Variants in TBC1D19 observed in about 807,000 individuals in gnomAD.
TBC1D19 encodes the protein TBC1 domain family, member 19.
Under a neutral mutation model 89.0 loss-of-function variants are expected in TBC1D19, and 60 were observed. The ratio of observed to expected loss-of-function variants is 0.67; its 90% CI spans 0.55 to 0.84. The LOEUF is 0.84. Ranked by LOEUF, TBC1D19 falls within the 40% of genes least tolerant of loss-of-function variation. TBC1D19 has a pLI of 0.00. For synonymous variants in TBC1D19, 189 were observed against 199.7 expected, an observed-to-expected ratio of 0.95 and a Z score of 0.45; for missense variants, 500 against 610.8, an observed-to-expected ratio of 0.82 and a Z score of 1.91.
Position 26,613,158 on chromosome 4 carries a change from A to G in TBC1D19, c.100-11A>G, listed in dbSNP as rs766881068. 6.8e-7 allele frequency: 1 copy of G among 1,478,838 alleles called. No homozygotes were observed. The highest frequency in any genetic ancestry group is 1.3e-5 in the South Asian group (1 of 77,058). The allele number at this position is 1,478,838 out of a possible 1,614,324, so 91.6% of individuals were successfully genotyped here. A position where few individuals can be genotyped will look rare whatever the true frequency, so the allele number is the denominator to read the frequency against. ...CTTATCTTTCTTTTTTATTATTATT[A>G]TTATTCTTAGGCCAGTCTTCAGAGA... On this transcript the variant is annotated splice_polypyrimidine_tract_variant and intron_variant, in intron 1 of 20. Coordinates refer to ENST00000264866, the MANE Select transcript of TBC1D19 (RefSeq NM_018317.4).
intron 1 of TBC1D19, among the ~76,000 whole-genome samples, chr4:26,594,315 G>A (rs1247024744): frequency 5.3e-5 from 8 of 152,140 alleles, no homozygotes; most frequent in Non-Finnish European, 1.2e-4. Context: ...ACAGGAAGGG[G>A]AACATCACAC....
At chr4:26,740,314 T>G (rs1718282614) in intron 17 of TBC1D19, among the ~76,000 whole-genome samples, 1 of 152,214 alleles carries the variant, frequency 6.6e-6, no homozygotes, top group Non-Finnish European at 1.5e-5. Flanking sequence ...ATATATTATC[T>G]CTAGTGCTGT....
chr4:26,776,297 G>A, the TBC1D19 span, among the ~76,000 whole-genome samples: 1 of 151,652 alleles, frequency 6.6e-6, no homozygotes, highest in Non-Finnish European at 1.5e-5. Context: ...ATTTTTTTCT[G>A]CATACTAATA....
intron 14 of TBC1D19, among the ~76,000 whole-genome samples, chr4:26,719,344 A>T (rs1411883993): frequency 6.6e-6 from 1 of 152,038 alleles, no homozygotes; most frequent in African/African-American, 2.4e-5. Flanking sequence ...ACCACCCCTA[A>T]CAAGAATAAA....
the TBC1D19 span, among the ~76,000 whole-genome samples, chr4:26,793,300 G>A: frequency 3.9e-5 from 6 of 152,130 alleles, no homozygotes; most frequent in African/African-American, 1.4e-4. Context: ...TTCATCCTAC[G>A]GTGTGTGATA....
chr4:26,792,187 T>G, the TBC1D19 span, among the ~76,000 whole-genome samples: 1 of 152,090 alleles, frequency 6.6e-6, no homozygotes, highest in Non-Finnish European at 1.5e-5. Flanking sequence ...TTATCCTGGT[T>G]GTTGTGTGTA....
At chr4:26,709,113 T>C (rs151047812) in intron 13 of TBC1D19, among the ~76,000 whole-genome samples, 1 of 152,044 alleles carries the variant, frequency 6.6e-6, no homozygotes, top group Admixed American at 6.6e-5. Flanking sequence ...AGATTCTTTT[T>C]CTTCCCAGCG....
chr4:26,829,186 C>T, the TBC1D19 span, among the ~76,000 whole-genome samples: 1 of 152,156 alleles, frequency 6.6e-6, no homozygotes, highest in Non-Finnish European at 1.5e-5. Flanking sequence ...TATTATAAAA[C>T]GGTTGCCTGC....
chr4:26,696,771 C>T (rs895441375), intron 13 of TBC1D19, among the ~76,000 whole-genome samples: 8 of 152,040 alleles, frequency 5.3e-5, no homozygotes, highest in African/African-American at 1.4e-4. Context: ...GGGTACATAA[C>T]GAAATGAAGG....
chr4:26,826,917 C>G, the TBC1D19 span, among the ~76,000 whole-genome samples: 1 of 152,212 alleles, frequency 6.6e-6, no homozygotes, highest in Non-Finnish European at 1.5e-5. Flanking sequence ...ACCTCCCAGC[C>G]GTGCAGTTCA....
chr4:26,607,907 A>C (rs979467426), intron 1 of TBC1D19, among the ~76,000 whole-genome samples: 1 of 152,214 alleles, frequency 6.6e-6, no homozygotes, highest in African/African-American at 2.4e-5. Context: ...ATGTTGTTCA[A>C]GTGATGAACC....
upstream of TBC1D19, among the ~76,000 whole-genome samples, chr4:26,580,587 G>A (rs564211121): frequency 3.9e-5 from 6 of 152,186 alleles, no homozygotes; most frequent in Non-Finnish European, 8.8e-5. Flanking sequence ...TGTGACATGT[G>A]TGATACACAC....
chr4:26,829,693 C>T, the TBC1D19 span, among the ~76,000 whole-genome samples: 179 of 152,326 alleles, frequency 1.2e-3, 1 homozygote, highest in African/African-American at 3.4e-3. Context: ...ATCACCAAGT[C>T]TTCAAAGTAA....
chr4:26,704,134 T>C (rs1715550061), intron 13 of TBC1D19, among the ~76,000 whole-genome samples: 1 of 152,050 alleles, frequency 6.6e-6, no homozygotes, highest in Non-Finnish European at 1.5e-5. Context: ...CAGTGTTAAG[T>C]TAGTTTTTAT....
the TBC1D19 span, among the ~76,000 whole-genome samples, chr4:26,792,725 A>G: frequency 6.6e-6 from 1 of 152,224 alleles, no homozygotes; most frequent in Non-Finnish European, 1.5e-5. Flanking sequence ...CTTGAGTACA[A>G]TGGATCCCCC....
chr4:26,707,892 C>T lies in TBC1D19; in HGVS notation c.955-10041C>T, dbSNP rs538596646. On this transcript the variant is annotated intron_variant, in intron 13 of 20. Coordinates refer to ENST00000264866, the MANE Select transcript of TBC1D19 (RefSeq NM_018317.4). ...CAGAATGTTACATCTGTGTACAGTG[C>T]GTACACAAACCCAGAAATTATGTAG... 2.2e-4 allele frequency among the ~76,000 whole-genome samples: 33 copies of T among 152,048 alleles called. 1 individual carries two copies. The highest frequency in any genetic ancestry group is 6.3e-4 in the African/African-American group (26 of 41,512).
At chr4:26,663,336 A>G (rs996637328) in intron 8 of TBC1D19, among the ~76,000 whole-genome samples, 1 of 152,240 alleles carries the variant, frequency 6.6e-6, no homozygotes, top group Non-Finnish European at 1.5e-5. Context: ...TTAATTAAGA[A>G]TTAATGATGA....
At chr4:26,818,845 C>T in the TBC1D19 span, among the ~76,000 whole-genome samples, 37 of 152,260 alleles carry the variant, frequency 2.4e-4, no homozygotes, top group East Asian at 4.3e-3. Flanking sequence ...CCCAGGTACC[C>T]GTAAATACTT....
chr4:26,811,599 G>T, the TBC1D19 span, among the ~76,000 whole-genome samples: 156 of 152,352 alleles, frequency 1.0e-3, 2 homozygotes, highest in Non-Finnish European at 1.5e-3. Flanking sequence ...AATCTATGAA[G>T]TGAAAGCAAG....
Sources: gnomAD v4.1 joint callset for allele counts (sites outside exome capture counted in the v4.1 genomes callset) on GRCh38, gnomAD v4.1.1 for gene constraint, MANE v1.5 for transcripts, NCBI Gene and HGNC (gene_info 2026-07-23, HGNC 2026-07-21) for gene names.